MAGI1: variants seen among roughly 807,000 people sequenced by gnomAD.
The protein encoded by MAGI1 is membrane-associated guanylate kinase, WW and PDZ domain-containing protein 1.
A neutral mutation model predicts 139.9 loss-of-function variants in MAGI1; 58 were observed. The observed-to-expected ratio is 0.41, with a 90% CI of 0.34 to 0.52. MAGI1 has a LOEUF of 0.52. Ranked by LOEUF, MAGI1 falls within the 20% of genes least tolerant of loss-of-function variation. The pLI is 0.12. For synonymous variants in MAGI1, 812 were observed against 737.9 expected, an observed-to-expected ratio of 1.10 and a Z score of -1.63; for missense variants, 1,874 against 1,901.6, an observed-to-expected ratio of 0.99 and a Z score of 0.27.
At chr3:66,016,140 G>C (rs1297790817) in intron 1 of MAGI1, among the ~76,000 whole-genome samples, 1 of 152,152 alleles carries the variant, frequency 6.6e-6, no homozygotes, top group Non-Finnish European at 1.5e-5. Flanking sequence ...CACAAGCCTA[G>C]AATCAAGTGA....
intron 1 of MAGI1, among the ~76,000 whole-genome samples, chr3:65,685,802 T>C (rs1404770556): frequency 6.6e-6 from 1 of 152,196 alleles, no homozygotes. Context: ...AGAATGCCAG[T>C]GGTCTCTGAC....
chr3:65,812,154 CA>C (rs1432455872), intron 1 of MAGI1, among the ~76,000 whole-genome samples: 1 of 152,006 alleles, frequency 6.6e-6, no homozygotes, highest in African/African-American at 2.4e-5. Context: ...TCCCAGACAC[CA>C]GACACATAAT....
At chr3:65,499,602 G>A (rs889916045) in intron 2 of MAGI1, among the ~76,000 whole-genome samples, 26 of 151,602 alleles carry the variant, frequency 1.7e-4, no homozygotes, top group Admixed American at 1.5e-3. Flanking sequence ...CAGCCTGGGC[G>A]ACAGACTGAG....
intron 1 of MAGI1, among the ~76,000 whole-genome samples, chr3:65,721,666 A>C (rs1045477948): frequency 1.3e-5 from 2 of 152,172 alleles, no homozygotes; most frequent in Non-Finnish European, 2.9e-5. Flanking sequence ...GGTCATTTAC[A>C]CAGAAATGTA....
chr3:65,782,864 A>G (rs1300493639), intron 1 of MAGI1, among the ~76,000 whole-genome samples: 1 of 151,748 alleles, frequency 6.6e-6, no homozygotes, highest in Non-Finnish European at 1.5e-5. Context: ...AAGTCATTTC[A>G]CAGATCAGAA....
intron 1 of MAGI1, among the ~76,000 whole-genome samples, chr3:65,783,323 G>A (rs1009922593): frequency 6.6e-6 from 1 of 152,054 alleles, no homozygotes; most frequent in Admixed American, 6.6e-5. Flanking sequence ...ACAAGACACC[G>A]CTTCACACCC....
chr3:65,582,286 C>G (rs1214898127), intron 2 of MAGI1, among the ~76,000 whole-genome samples: 1 of 152,132 alleles, frequency 6.6e-6, no homozygotes, highest in Non-Finnish European at 1.5e-5. Flanking sequence ...GAATAAGAGT[C>G]TTGTATGTGT....
At chr3:65,768,523 T>C (rs1051291769) in intron 1 of MAGI1, among the ~76,000 whole-genome samples, 12 of 152,236 alleles carry the variant, frequency 7.9e-5, no homozygotes, top group Non-Finnish European at 5.9e-5. Flanking sequence ...TCTTCATTGT[T>C]TGGCTTCACT....
chr3:65,875,537 T>C (rs1318592626), intron 1 of MAGI1, among the ~76,000 whole-genome samples: 3 of 152,214 alleles, frequency 2.0e-5, no homozygotes, highest in Non-Finnish European at 2.9e-5. Flanking sequence ...CACATGACTA[T>C]GACCAATGTC....
At chr3:65,869,883 A>G (rs1388606469) in intron 1 of MAGI1, among the ~76,000 whole-genome samples, 1 of 152,198 alleles carries the variant, frequency 6.6e-6, no homozygotes, top group African/African-American at 2.4e-5. Flanking sequence ...TGAGAAGGCA[A>G]GAGACACATG....
At chr3:65,929,340 A>C (rs531472791) in intron 1 of MAGI1, among the ~76,000 whole-genome samples, 1 of 147,306 alleles carries the variant, frequency 6.8e-6, no homozygotes, top group Non-Finnish European at 1.5e-5. Flanking sequence ...GCAGATATCA[A>C]GGATGATTTT....
chr3:65,614,266 A>C (rs905239571), intron 2 of MAGI1, among the ~76,000 whole-genome samples: 1 of 152,196 alleles, frequency 6.6e-6, no homozygotes, highest in East Asian at 1.9e-4. Flanking sequence ...GGGCCTTTCC[A>C]GTGGTTCTCT....
intron 1 of MAGI1, among the ~76,000 whole-genome samples, chr3:65,729,030 A>G (rs2033911598): frequency 6.7e-6 from 1 of 149,432 alleles, no homozygotes; most frequent in South Asian, 2.1e-4. Flanking sequence ...TTTTGCAAAA[A>G]TTTGGACCTG....
At chr3:65,515,963 T>C (rs902662874) in intron 2 of MAGI1, among the ~76,000 whole-genome samples, 1 of 152,198 alleles carries the variant, frequency 6.6e-6, no homozygotes, top group Non-Finnish European at 1.5e-5. Flanking sequence ...CAAAAATCTT[T>C]ACAGGGGCAC....
intron 1 of MAGI1, among the ~76,000 whole-genome samples, chr3:65,746,326 G>A (rs112070301): frequency 0.12 from 18,455 of 152,126 alleles, 1,304 homozygotes; most frequent in African/African-American, 0.17. Context: ...GAGCCACCAC[G>A]TCCAGCCCTG....
chr3:65,373,613 G>C (rs1178378466), intron 18 of MAGI1, among the ~76,000 whole-genome samples: 2 of 152,164 alleles, frequency 1.3e-5, no homozygotes, highest in African/African-American at 4.8e-5. Flanking sequence ...TGCAATGAAA[G>C]GGGGGATGTC....
chr3:65,379,222 T>C, intron 17 of MAGI1, 39 bp downstream of exon 17: 1 of 1,607,676 alleles, frequency 6.2e-7, no homozygotes, highest in Non-Finnish European at 8.5e-7. Flanking sequence ...CTCCCAGGCA[T>C]GGTGGGAAAC....
intron 1 of MAGI1, among the ~76,000 whole-genome samples, chr3:65,879,349 C>A (rs2060237599): frequency 6.6e-6 from 1 of 151,970 alleles, no homozygotes; most frequent in Non-Finnish European, 1.5e-5. Context: ...CAATCCACCA[C>A]AGTAGGCAGA....
At chr3:65,477,667 C>T (rs1479558678) in intron 4 of MAGI1, among the ~76,000 whole-genome samples, 1 of 151,162 alleles carries the variant, frequency 6.6e-6, no homozygotes, top group Non-Finnish European at 1.5e-5. Flanking sequence ...TTCTGGGTCA[C>T]TGCACTAACC....
Sources: allele counts gnomAD v4.1 joint callset (sites outside exome capture counted in the v4.1 genomes callset), GRCh38; gene constraint gnomAD v4.1.1; transcripts MANE v1.5; gene names NCBI Gene and HGNC (gene_info 2026-07-23, HGNC 2026-07-21).